The following RSU1 variants were observed in gnomAD, a reference collection of about 807,000 sequenced individuals.
RSU1 encodes the protein rsu-1.
Under a neutral mutation model 31.1 loss-of-function variants are expected in RSU1, and 26 were observed. The ratio of observed to expected loss-of-function variants is 0.84; its 90% CI spans 0.61 to 1.16. The LOEUF (loss-of-function observed/expected upper bound fraction) is 1.16, where lower values mean the gene tolerates loss of function less well. Among genes scored for constraint, RSU1 ranks in the 50% most tolerant of loss-of-function variants. The pLI, the probability that RSU1 is intolerant of heterozygous loss-of-function variation, is 0.00. For synonymous variants in RSU1, 164 were observed against 136.3 expected, an observed-to-expected ratio of 1.20 and a Z score of -1.41; for missense variants, 320 against 339.1, an observed-to-expected ratio of 0.94 and a Z score of 0.44.
At chr10:16,753,219 G>T (rs1291170152) in intron 5 of RSU1, among the ~76,000 whole-genome samples, 2 of 152,206 alleles carry the variant, frequency 1.3e-5, no homozygotes, top group Non-Finnish European at 2.9e-5. Context: ...CAAGAGGAAT[G>T]ACGCAATTAA....
intron 4 of RSU1, among the ~76,000 whole-genome samples, chr10:16,763,342 G>C (rs2131630357): frequency 2.6e-5 from 4 of 152,300 alleles, no homozygotes; most frequent in Admixed American, 2.6e-4. Context: ...TGCTTGTGGG[G>C]AAGTCTCAGG....
intron 7 of RSU1, among the ~76,000 whole-genome samples, chr10:16,714,970 G>A (rs1836108538): frequency 6.6e-6 from 1 of 152,078 alleles, no homozygotes; most frequent in Non-Finnish European, 1.5e-5. Flanking sequence ...GTGGCAATGG[G>A]GACTGCTGGG....
chr10:16,815,247 C>T (rs1320711765), intron 2 of RSU1, among the ~76,000 whole-genome samples: 1 of 152,248 alleles, frequency 6.6e-6, no homozygotes, highest in African/African-American at 2.4e-5. Context: ...GAGAGGCTAA[C>T]TAGTACACAA....
At chr10:16,600,943 C>T (rs1240045073) in intron 8 of RSU1, among the ~76,000 whole-genome samples, 1 of 152,072 alleles carries the variant, frequency 6.6e-6, no homozygotes, top group Non-Finnish European at 1.5e-5. Context: ...TCTCATATCC[C>T]TTTGCTGCAG....
At chr10:16,703,222 G>A (rs1241977009) in intron 7 of RSU1, among the ~76,000 whole-genome samples, 1 of 152,112 alleles carries the variant, frequency 6.6e-6, no homozygotes, top group Non-Finnish European at 1.5e-5. Context: ...TTAAACCTCT[G>A]TTCTTTATAA....
chr10:16,645,964 GTGTATATATATGTGTA>G (rs1564298438), intron 8 of RSU1, among the ~76,000 whole-genome samples: 377 of 29,672 alleles, frequency 0.013, 92 homozygotes, highest in African/African-American at 0.049. Flanking sequence ...ATACATATAT[GTGTATATATATGTGTA>G]TATACATATA....
intron 4 of RSU1, among the ~76,000 whole-genome samples, chr10:16,760,346 C>G (rs1254488300): frequency 6.6e-6 from 1 of 151,936 alleles, no homozygotes; most frequent in Admixed American, 6.6e-5. Flanking sequence ...GCCATCTCTA[C>G]TAAAAATACA....
At chr10:16,796,971 T>C (rs74116722) in intron 2 of RSU1, among the ~76,000 whole-genome samples, 7,460 of 152,218 alleles carry the variant, frequency 0.049, 583 homozygotes, top group African/African-American at 0.17. Flanking sequence ...ACTAACAAAC[T>C]TGACAACTGA....
intron 2 of RSU1, among the ~76,000 whole-genome samples, chr10:16,786,034 T>C (rs574314630): frequency 6.6e-6 from 1 of 152,138 alleles, no homozygotes; most frequent in South Asian, 2.1e-4. Flanking sequence ...CTGTGGCCAC[T>C]AGAAAATCTA....
intron 2 of RSU1, among the ~76,000 whole-genome samples, chr10:16,811,907 G>A (rs1420099694): frequency 6.6e-6 from 1 of 152,172 alleles, no homozygotes; most frequent in African/African-American, 2.4e-5. Context: ...AGACACTTCA[G>A]CTAGGCTGGA....
chr10:16,806,928 A>G (rs1342937259), intron 2 of RSU1, among the ~76,000 whole-genome samples: 2 of 152,062 alleles, frequency 1.3e-5, no homozygotes, highest in African/African-American at 4.8e-5. Context: ...TAATTCTTGT[A>G]TTGTTAGTAG....
chr10:16,685,921 T>A (rs890754327), intron 8 of RSU1, among the ~76,000 whole-genome samples: 1 of 152,194 alleles, frequency 6.6e-6, no homozygotes, highest in African/African-American at 2.4e-5. Flanking sequence ...ACAAATAATA[T>A]GCAAACACAG....
chr10:16,765,454 G>A (rs942231896), intron 3 of RSU1, among the ~76,000 whole-genome samples: 3 of 152,244 alleles, frequency 2.0e-5, no homozygotes, highest in African/African-American at 7.2e-5. Flanking sequence ...ATGAATACTA[G>A]TATTCAGATC....
intron 7 of RSU1, among the ~76,000 whole-genome samples, chr10:16,697,987 C>CTTTTTTTTTTTTTTT (rs67816326): frequency 1.0e-5 from 1 of 99,562 alleles, no homozygotes; most frequent in African/African-American, 4.9e-5. Context: ...AGGAACACAC[C>CTTTTTTTTTTTTTTT]TTTTTTTTTT....
intron 7 of RSU1, among the ~76,000 whole-genome samples, chr10:16,720,050 T>G (rs68019536): frequency 0.15 from 22,871 of 152,228 alleles, 4,063 homozygotes; most frequent in African/African-American, 0.43. Context: ...ACAGTAAGGC[T>G]GGGATTCAAA....
chr10:16,704,323 C>A (rs1418927548), intron 7 of RSU1, among the ~76,000 whole-genome samples: 1 of 152,080 alleles, frequency 6.6e-6, no homozygotes, highest in Non-Finnish European at 1.5e-5. Context: ...CAGGGTGTCA[C>A]AATAATCTTG....
intron 2 of RSU1, among the ~76,000 whole-genome samples, chr10:16,796,784 T>TA (rs1838045245): frequency 6.6e-6 from 1 of 151,992 alleles, no homozygotes; most frequent in Non-Finnish European, 1.5e-5. Flanking sequence ...TACATCAAAA[T>TA]AGAGAAACTA....
intron 7 of RSU1, among the ~76,000 whole-genome samples, chr10:16,725,199 AAG>A (rs1169637557): frequency 6.6e-6 from 1 of 152,098 alleles, no homozygotes; most frequent in African/African-American, 2.4e-5. Context: ...GAGATGGGAG[AAG>A]AGAGAGAGAA....
intron 8 of RSU1, among the ~76,000 whole-genome samples, chr10:16,689,214 T>C (rs1244212514): frequency 1.3e-5 from 2 of 152,218 alleles, no homozygotes; most frequent in East Asian, 1.9e-4. Flanking sequence ...CTCTCCTCCA[T>C]CTTTGTGAAG....
Sources: gnomAD v4.1 joint callset for allele counts (sites outside exome capture counted in the v4.1 genomes callset) on GRCh38, gnomAD v4.1.1 for gene constraint, MANE v1.5 for transcripts, NCBI Gene and HGNC (gene_info 2026-07-23, HGNC 2026-07-21) for gene names.